DHX35: variants seen among roughly 807,000 people sequenced by gnomAD.
The protein encoded by DHX35 is probable ATP-dependent RNA helicase DHX35.
Under a neutral mutation model 99.6 loss-of-function variants are expected in DHX35, and 84 were observed. That is an observed-to-expected ratio of 0.84 (90% CI 0.71 to 1.01). The LOEUF (loss-of-function observed/expected upper bound fraction) is 1.01. Among genes scored for constraint, DHX35 ranks in the 50% least tolerant of loss-of-function variants. The pLI, the probability that DHX35 is intolerant of heterozygous loss-of-function variation, is 0.00. For synonymous variants in DHX35, 331 were observed against 316.2 expected (o/e 1.05, Z -0.50); for missense variants, 852 against 888.5 (o/e 0.96, Z 0.52).
chr20:39,013,146 A>AT (rs1490385039), intron 13 of DHX35, among the ~76,000 whole-genome samples: 2 of 152,160 alleles, frequency 1.3e-5, no homozygotes, highest in African/African-American at 4.8e-5. Flanking sequence ...AAAAATACAA[A>AT]TTTATCTTCA....
At chr20:39,006,816 A>G (rs139120553) in intron 12 of DHX35, among the ~76,000 whole-genome samples, 40 of 152,330 alleles carry the variant, frequency 2.6e-4, no homozygotes, top group Non-Finnish European at 5.4e-4. Context: ...AGACTCATTC[A>G]TAGAAAACAA....
chr20:39,011,889 C>T (rs2086707864), intron 13 of DHX35, among the ~76,000 whole-genome samples: 3 of 152,248 alleles, frequency 2.0e-5, no homozygotes, highest in South Asian at 4.2e-4. Context: ...AAATTGTGTA[C>T]TTACCATAAG....
chr20:39,023,237 A>C (rs1444748417), intron 16 of DHX35, among the ~76,000 whole-genome samples: 1 of 152,268 alleles, frequency 6.6e-6, no homozygotes, highest in Non-Finnish European at 1.5e-5. Context: ...AGAGAGGTTA[A>C]GTAACCAAGC....
intron 7 of DHX35, 80 bp from the exon 8 acceptor site, chr20:38,994,741 G>A (rs2086399787): frequency 8.9e-7 from 1 of 1,121,854 alleles, no homozygotes; most frequent in Non-Finnish European, 1.2e-6. Flanking sequence ...CTGAATTTTT[G>A]AAATACATTT....
chr20:39,033,162 G>A (rs1380788560), intron 20 of DHX35, among the ~76,000 whole-genome samples: 2 of 152,136 alleles, frequency 1.3e-5, no homozygotes, highest in Non-Finnish European at 2.9e-5. Flanking sequence ...CTTGAGCCCA[G>A]GAGATTCAGG....
chr20:38,996,970 TATTAA>T (rs201331605), intron 8 of DHX35, among the ~76,000 whole-genome samples: 1,630 of 152,246 alleles, frequency 0.011, 11 homozygotes, highest in Non-Finnish European at 0.018. Context: ...CCTTAAAAAT[TATTAA>T]ATTAAGTTAA....
intron 4 of DHX35, 119 bp from the exon 5 acceptor site, chr20:38,988,694 C>A: frequency 7.3e-7 from 1 of 1,377,534 alleles, no homozygotes; most frequent in Non-Finnish European, 9.7e-7. Flanking sequence ...TGTCTCTTTT[C>A]ATTTTTCATT....
intron 3 of DHX35, among the ~76,000 whole-genome samples, chr20:38,973,344 C>T (rs1467505631): frequency 3.9e-5 from 6 of 152,074 alleles, no homozygotes; most frequent in African/African-American, 1.4e-4. Flanking sequence ...TAGGAAAGTA[C>T]CTATATCATA....
chr20:39,023,747 A>G lies in DHX35; in HGVS notation c.1651A>G (p.Ile551Val), dbSNP rs904892815. The stretch of plus-strand genomic sequence containing the variant: ...GGGCGACCACCTCACTATGCTCAAT[A>G]TATATGAAGCATTTATCAAAGTAAG... ...EEGDHLTMLNIYEAFIKHNKD... is the reference protein window; with the variant it reads ...EEGDHLTMLNVYEAFIKHNKD... Residue 551 changes from isoleucine to valine, a missense_variant, in exon 17 of 22, where the codon ATA becomes GTA. Physicochemically the swap from Ile to Val is conservative, Grantham distance 29. Coordinates refer to ENST00000252011, the MANE Select transcript of DHX35 (RefSeq NM_021931.4). 14 of 1,613,898 alleles carry G rather than the reference A, an allele frequency of 8.7e-6. No homozygotes were observed. Among genetic ancestry groups the G allele is most frequent in the African/African-American group, 1.3e-5 (1 of 74,936 alleles).
intron 8 of DHX35, among the ~76,000 whole-genome samples, chr20:38,997,018 A>C (rs1280954597): frequency 2.0e-5 from 3 of 152,010 alleles, no homozygotes; most frequent in Non-Finnish European, 4.4e-5. Context: ...GTTGAAAACT[A>C]TAATGTCCAA....
chr20:39,000,470 A>G (rs1400361264), intron 8 of DHX35, among the ~76,000 whole-genome samples: 1 of 152,234 alleles, frequency 6.6e-6, no homozygotes, highest in African/African-American at 2.4e-5. Flanking sequence ...TTTACCCAAA[A>G]GAAAGTGAAC....
chr20:39,003,781 C>G lies in DHX35; in HGVS notation c.885C>G (p.Ile295Met). 1 of 1,614,068 alleles carries G rather than the reference C, an allele frequency of 6.2e-7. No individual in the cohort carries two copies. Among genetic ancestry groups the G allele is most frequent in the Non-Finnish European group, 8.5e-7 (1 of 1,179,942 alleles). ...EEVETVVSML[I>M]EQARALARTG... is the part of the protein sequence containing the mutation. ...TAGAAACTGTTGTGTCGATGCTCAT[C>G]GAGCAGGCTCGAGCACTAGCTCGCA... is the stretch of plus-strand genomic sequence containing the variant. The change falls in exon 11 of 22, where the codon ATC becomes ATG. Residue 295 changes from isoleucine (I) to methionine (M), a missense_variant. Ile to Met is a conservative substitution (Grantham distance 10). Coordinates refer to ENST00000252011, the MANE Select transcript of DHX35 (RefSeq NM_021931.4).
Position 38,994,812 on chromosome 20 carries a change from C to CT in DHX35, c.583-3dup, listed in dbSNP as rs762379983. 6.2e-7 allele frequency: 1 copy of CT among 1,611,624 alleles called. No individual in the cohort carries two copies. The highest frequency in any genetic ancestry group is 1.7e-5 in the Admixed American group (1 of 59,978). On this transcript the variant is annotated splice_polypyrimidine_tract_variant and intron_variant, in intron 7 of 21. Transcript: ENST00000252011. ...TATTATCATTATTTCCAAATGTCTT[C>CT]TTTTTTAGATTCAGAAAAAGCGAGG...
At chr20:39,026,449 A>G (rs1453635605) in intron 18 of DHX35, among the ~76,000 whole-genome samples, 1 of 152,180 alleles carries the variant, frequency 6.6e-6, no homozygotes, top group Admixed American at 6.5e-5. Context: ...TAATGAAGGG[A>G]GAGATTCATA....
chr20:39,001,755 A>G lies in DHX35; in HGVS notation c.668A>G (p.Asn223Ser), dbSNP rs778674413. The change falls in exon 9 of 22, where the codon AAT becomes AGT. Residue 223 changes from asparagine (N) to serine (S), a missense_variant. By Grantham distance (46) the Asn-to-Ser change is conservative. Transcript: ENST00000252011. ...AAATTCCGGGATTTCTTTAATCAAA[A>G]TGAAACCAGTGATCCAGCAAGGGAT... Reference protein sequence around the residue: ...ADKFRDFFNQNETSDPARDTC... With the variant: ...ADKFRDFFNQSETSDPARDTC... The G allele has an allele frequency of 3.1e-6, 5 of 1,610,950 alleles. No homozygotes were observed. The Admixed American group carries it at 5.0e-5, about 16-fold the overall frequency.
intron 11 of DHX35, among the ~76,000 whole-genome samples, chr20:39,004,889 C>A (rs67084722): frequency 6.6e-6 from 1 of 151,896 alleles, no homozygotes; most frequent in African/African-American, 2.4e-5. Context: ...GTGCTCAGCC[C>A]CTTGACCATT....
At chr20:39,015,038 T>C (rs775042367) in intron 14 of DHX35, 104 bp downstream of exon 14, 201 of 1,330,222 alleles carry the variant, frequency 1.5e-4, no homozygotes, top group Non-Finnish European at 2.1e-4. Context: ...AGGAATGGGA[T>C]TGGTTCTCCC....
chr20:39,008,860 G>A (rs1041778324), intron 12 of DHX35, among the ~76,000 whole-genome samples: 5 of 152,170 alleles, frequency 3.3e-5, no homozygotes, highest in African/African-American at 1.2e-4. Context: ...ATGGCAACAT[G>A]CAGCTTCCCT....
chr20:39,022,452 G>A (rs1600439461), intron 16 of DHX35, among the ~76,000 whole-genome samples: 2 of 152,108 alleles, frequency 1.3e-5, no homozygotes, highest in African/African-American at 2.4e-5. Context: ...CACCGTGCCC[G>A]GCCTATTATC....
Sources: allele counts gnomAD v4.1 joint callset (sites outside exome capture counted in the v4.1 genomes callset), GRCh38; gene constraint gnomAD v4.1.1; transcripts MANE v1.5; gene names NCBI Gene and HGNC (gene_info 2026-07-23, HGNC 2026-07-21).